EPHA7: variants seen among roughly 807,000 people sequenced by gnomAD.
EPHA7 encodes EPH receptor A7, also known as ephrin type-A receptor 7.
Under a neutral mutation model 112.6 loss-of-function variants are expected in EPHA7, and 25 were observed. The observed-to-expected ratio is 0.22, with a 90% confidence interval of 0.16 to 0.31. EPHA7 has a LOEUF of 0.31. Among genes scored for constraint, EPHA7 ranks in the 10% least tolerant of loss-of-function variants. EPHA7 has a pLI of 1.00. For synonymous variants in EPHA7, 437 were observed against 406.5 expected (o/e 1.07, Z -0.90); for missense variants, 962 against 1,212.6 (o/e 0.79, Z 3.07).
At position 93,315,248 on chromosome 6, in the gene EPHA7, T is replaced by C. The variant is rs1213283130; in HGVS notation, c.1324+41469A>G. Among the ~76,000 whole-genome samples the C allele has an allele frequency of 1.3e-5, 2 of 152,228 alleles. 1 individual carries two copies. Among genetic ancestry groups the C allele is most frequent in the Non-Finnish European group, 2.9e-5 (2 of 68,040 alleles). Reference sequence around the variant, plus strand: ...AAATCTGATAAACCAGAATATTAGATGCTTTCATTGGGTTTAAATCTCTGA... The same window carrying C: ...AAATCTGATAAACCAGAATATTAGACGCTTTCATTGGGTTTAAATCTCTGA... On this transcript the variant is annotated intron_variant, in intron 5 of 16. Transcript: ENST00000369303.
chr6:93,418,607 C>G lies in EPHA7; in HGVS notation c.97+638G>C, dbSNP rs376275942. On this transcript the variant is annotated intron_variant, in intron 1 of 16. Transcript: ENST00000369303. ...GCTGAATGGAGACATCCCCGGCCCTCGGGTCGCGCGCCGCACGCCGCGCTT... is the reference window on the plus strand; with the variant it reads ...GCTGAATGGAGACATCCCCGGCCCTGGGGTCGCGCGCCGCACGCCGCGCTT... Among the ~76,000 whole-genome samples the G allele has an allele frequency of 1.6e-4, 25 of 152,330 alleles. 1 individual carries two copies. Among genetic ancestry groups the G allele is most frequent in the African/African-American group, 5.3e-4 (22 of 41,588 alleles).
chr6:93,398,450 G>A (rs117451780), intron 3 of EPHA7, among the ~76,000 whole-genome samples: 2,470 of 152,082 alleles, frequency 0.016, 22 homozygotes, highest in Non-Finnish European at 0.023. Context: ...TTATGAAAAT[G>A]TGCCATACCG....
rs1368174232 is a variant in EPHA7 at position 93,356,819 on chromosome 6, G to T, written c.1222C>A (p.His408Asn). The change falls in exon 5 of 17, where the codon CAC becomes AAC. Residue 408 changes from histidine to asparagine, a missense_variant. This residue lies in a region of EPHA7 where 746 missense variants were observed against 889.2 expected (regional missense o/e 0.84). Coordinates refer to ENST00000369303, the MANE Select transcript of EPHA7 (RefSeq NM_004440.4). The stretch of plus-strand genomic sequence containing the variant: ...TCAACTTCAAAAGTATAATTAGCGT[G>T]GGCTAGCAGGTCCATGACAGTGACA... ...NYVTVMDLLA[H>N]ANYTFEVEAV... The T allele has an allele frequency of 2.2e-5, 35 of 1,614,044 alleles. No homozygotes were observed. The highest frequency in any genetic ancestry group is 3.0e-5 in the Non-Finnish European group (35 of 1,180,030).
Position 93,375,986 on chromosome 6 carries a change from T to C in EPHA7, c.833-17575A>G, listed in dbSNP as rs533628047. On this transcript the variant is annotated intron_variant, in intron 3 of 16. Coordinates refer to ENST00000369303, the MANE Select transcript of EPHA7 (RefSeq NM_004440.4). ...CAGAACATTCATTATAAAAGATTTA[T>C]GCCATGTGGACATGGCAGAAGATAG... is the stretch of plus-strand genomic sequence containing the variant. Among the ~76,000 whole-genome samples the C allele has an allele frequency of 9.2e-5, 14 of 152,284 alleles. No individual in the cohort carries two copies. The South Asian group carries it at 2.1e-3, about 23-fold the overall frequency.
chr6:93,277,222 A>G (rs1771512331), intron 5 of EPHA7, among the ~76,000 whole-genome samples: 1 of 151,972 alleles, frequency 6.6e-6, no homozygotes, highest in Admixed American at 6.6e-5. Flanking sequence ...TACAACTTTT[A>G]GCTTTCTCAC....
chr6:93,357,091 T>C, intron 4 of EPHA7, 39 bp from the exon 5 acceptor site: 2 of 1,467,068 alleles, frequency 1.4e-6, no homozygotes, highest in Non-Finnish European at 1.8e-6. Flanking sequence ...TAAGCAAAAA[T>C]AGAAAAAAAA....
intron 3 of EPHA7, among the ~76,000 whole-genome samples, chr6:93,391,608 C>T (rs1777907961): frequency 6.6e-6 from 1 of 151,850 alleles, no homozygotes; most frequent in African/African-American, 2.4e-5. Context: ...TACTACAGAA[C>T]TTCTTGACCT....
At chr6:93,258,668 A>T (rs929801404) in intron 10 of EPHA7, among the ~76,000 whole-genome samples, 1 of 148,210 alleles carries the variant, frequency 6.7e-6, no homozygotes, top group African/African-American at 2.4e-5. Flanking sequence ...TTATATATTT[A>T]AAAATTTTTT....
At chr6:93,414,587 G>T in intron 2 of EPHA7, 116 bp downstream of exon 2, 1 of 767,998 alleles carries the variant, frequency 1.3e-6, no homozygotes, top group Non-Finnish European at 2.2e-6. Context: ...TATTGGACAA[G>T]ATATTTGGAA....
At chr6:93,359,872 GAGAGATAGATAGATAGAT>G (rs1776163473) in intron 3 of EPHA7, among the ~76,000 whole-genome samples, 1 of 126,918 alleles carries the variant, frequency 7.9e-6, no homozygotes, top group African/African-American at 3.0e-5. Context: ...GAGAGAGAGA[GAGAGATAGATAGATAGAT>G]AGATAGATAG....
chr6:93,253,464 GT>G (rs35304636), intron 14 of EPHA7, among the ~76,000 whole-genome samples: 97,715 of 151,286 alleles, frequency 0.65, 32,577 homozygotes, highest in South Asian at 0.83. Flanking sequence ...CAGTCTAAAT[GT>G]TAGTTGTCTA....
At chr6:93,284,254 T>C (rs954081099) in intron 5 of EPHA7, among the ~76,000 whole-genome samples, 2 of 152,242 alleles carry the variant, frequency 1.3e-5, no homozygotes, top group African/African-American at 4.8e-5. Flanking sequence ...AAATTGACTT[T>C]CTTAAACATG....
chr6:93,341,996 A>AC (rs2127922076), intron 5 of EPHA7, among the ~76,000 whole-genome samples: 1 of 151,878 alleles, frequency 6.6e-6, no homozygotes, highest in South Asian at 2.1e-4. Flanking sequence ...AAGGCCCAAG[A>AC]CCCACTCAAG....
Position 93,358,282 on chromosome 6 carries a change from G to A in EPHA7, c.962C>T (p.Ser321Phe). 1 of 1,612,530 alleles carries A rather than the reference G, an allele frequency of 6.2e-7. No homozygotes were observed. Among genetic ancestry groups the A allele is most frequent in the Non-Finnish European group, 8.5e-7 (1 of 1,179,228 alleles). The change falls in exon 4 of 17, where the codon TCT becomes TTT. Residue 321 changes from serine (S) to phenylalanine (F), a missense_variant. Ser to Phe is a radical substitution (Grantham distance 155, BLOSUM62 -2). Transcript: ENST00000369303. ...TGTGCACGCAACGTATGGTGGGTCA[G>A]ATGGAGCCCTGTAATACCCATCTTC... ...ECEDGYYRAP[S>F]DPPYVACTRP...
intron 5 of EPHA7, among the ~76,000 whole-genome samples, chr6:93,300,363 T>G (rs1260026615): frequency 6.6e-6 from 1 of 152,172 alleles, no homozygotes; most frequent in African/African-American, 2.4e-5. Context: ...ATCTAAATTT[T>G]ATCAAAAATA....
At chr6:93,329,366 G>T (rs1582530797) in intron 5 of EPHA7, among the ~76,000 whole-genome samples, 1 of 151,376 alleles carries the variant, frequency 6.6e-6, no homozygotes, top group African/African-American at 2.4e-5. Context: ...AAAAGCTTTT[G>T]TTAATTAGTA....
intron 3 of EPHA7, among the ~76,000 whole-genome samples, chr6:93,375,059 C>G (rs990744098): frequency 6.6e-6 from 1 of 151,958 alleles, no homozygotes; most frequent in Non-Finnish European, 1.5e-5. Flanking sequence ...CTTAGAAATT[C>G]CTTTAATAAT....
intron 5 of EPHA7, among the ~76,000 whole-genome samples, chr6:93,286,662 G>A (rs891574121): frequency 2.0e-5 from 3 of 152,110 alleles, no homozygotes; most frequent in Admixed American, 1.3e-4. Flanking sequence ...ACCAGATCAT[G>A]GATAAAAATA....
chr6:93,323,767 T>C (rs1774184917), intron 5 of EPHA7, among the ~76,000 whole-genome samples: 1 of 151,460 alleles, frequency 6.6e-6, no homozygotes, highest in Non-Finnish European at 1.5e-5. Context: ...TTGATATCAT[T>C]TTTGGATGTA....
Sources: allele counts gnomAD v4.1 joint callset (sites outside exome capture counted in the v4.1 genomes callset), GRCh38; gene constraint gnomAD v4.1.1; regional missense constraint gnomAD v4.1.1; transcripts MANE v1.5; gene names NCBI Gene and HGNC (gene_info 2026-07-23, HGNC 2026-07-21).